Variants in UBXN7 observed in about 807,000 individuals in gnomAD.
UBXN7 encodes the protein UBX domain protein 7, also known as UBX domain-containing protein 7.
UBXN7 carries 9 observed loss-of-function variants against 58.0 expected under a neutral mutation model. The observed-to-expected ratio is 0.16, with a 90% confidence interval of 0.09 to 0.27. The LOEUF (loss-of-function observed/expected upper bound fraction) is 0.27. UBXN7 is among the 10% of genes least tolerant of loss of function. The pLI is 1.00. For synonymous variants in UBXN7, 208 were observed against 205.0 expected (o/e 1.01, Z -0.12); for missense variants, 328 against 599.6 (o/e 0.55, Z 4.73).
rs956126969 is a variant in UBXN7 at position 196,412,823 on chromosome 3, C to T, written c.74-5430G>A. Among the ~76,000 whole-genome samples the T allele has an allele frequency of 2.0e-4, 30 of 152,094 alleles. 1 individual carries two copies. Among genetic ancestry groups the T allele is most frequent in the Admixed American group, 1.2e-3 (19 of 15,260 alleles). On this transcript the variant is annotated intron_variant, in intron 1 of 10. Coordinates refer to ENST00000296328, the MANE Select transcript of UBXN7 (RefSeq NM_015562.2). ...AATAAGCCAGTCACAAAATTACAAA[C>T]GCCATATGATTCTACTTATGTGAGA...
At chr3:196,413,532 A>G (rs989227034) in intron 1 of UBXN7, among the ~76,000 whole-genome samples, 1 of 152,110 alleles carries the variant, frequency 6.6e-6, no homozygotes, top group Admixed American at 6.6e-5. Context: ...AGCTTCATAC[A>G]TTACTCAAAT....
At chr3:196,366,839 T>C (rs1411823379) in intron 8 of UBXN7, among the ~76,000 whole-genome samples, 2 of 151,976 alleles carry the variant, frequency 1.3e-5, no homozygotes, top group Non-Finnish European at 2.9e-5. Flanking sequence ...TAGCGAGCCA[T>C]GATCACACCA....
At chr3:196,423,638 T>A (rs1019359949) in intron 1 of UBXN7, 7 of 152,600 alleles carry the variant, frequency 4.6e-5, no homozygotes, top group African/African-American at 1.4e-4. Context: ...AGCAGGACAA[T>A]CCCAGTCTTG....
intron 1 of UBXN7, among the ~76,000 whole-genome samples, chr3:196,409,048 C>T (rs1730246919): frequency 6.6e-6 from 1 of 152,172 alleles, no homozygotes; most frequent in Admixed American, 6.6e-5. Flanking sequence ...CAACTCTTCA[C>T]TCTAACCCTT....
At chr3:196,356,895 G>C in intron 10 of UBXN7, 49 bp from the exon 11 acceptor site, 1 of 1,564,414 alleles carries the variant, frequency 6.4e-7, no homozygotes, top group Non-Finnish European at 8.6e-7. Context: ...AAAGAGGAAA[G>C]AGCATATTAG....
intron 1 of UBXN7, among the ~76,000 whole-genome samples, chr3:196,411,620 G>A (rs569825854): frequency 6.6e-6 from 1 of 152,284 alleles, no homozygotes; most frequent in Admixed American, 6.5e-5. Context: ...GAGTCCACCT[G>A]ACCAATATGG....
intron 5 of UBXN7, among the ~76,000 whole-genome samples, chr3:196,372,968 C>G (rs577543233): frequency 6.6e-6 from 1 of 152,194 alleles, no homozygotes; most frequent in African/African-American, 2.4e-5. Flanking sequence ...CCAGGCTGGT[C>G]TCAAACTCCT....
intron 1 of UBXN7, among the ~76,000 whole-genome samples, chr3:196,409,012 C>T (rs1730245724): frequency 6.6e-6 from 1 of 152,192 alleles, no homozygotes; most frequent in Non-Finnish European, 1.5e-5. Flanking sequence ...CTTATTTCCT[C>T]TGTAACTCCA....
chr3:196,371,308 TAA>T (rs1471850182), intron 6 of UBXN7, among the ~76,000 whole-genome samples: 2 of 152,188 alleles, frequency 1.3e-5, no homozygotes, highest in African/African-American at 4.8e-5. Context: ...CAACACCAAA[TAA>T]ATGCAGATCA....
chr3:196,377,729 C>T (rs947480163), intron 5 of UBXN7, among the ~76,000 whole-genome samples: 2 of 152,036 alleles, frequency 1.3e-5, no homozygotes, highest in African/African-American at 2.4e-5. Flanking sequence ...GGCAATGGCA[C>T]CACCACAGCT....
At chr3:196,357,387 A>G (rs1417979981) in intron 10 of UBXN7, among the ~76,000 whole-genome samples, 2 of 152,246 alleles carry the variant, frequency 1.3e-5, no homozygotes, top group Non-Finnish European at 2.9e-5. Flanking sequence ...CTCCAGCCAC[A>G]GCAAACGGCC....
chr3:196,396,695 G>A (rs1383092063), intron 3 of UBXN7, among the ~76,000 whole-genome samples: 1 of 152,036 alleles, frequency 6.6e-6, no homozygotes, highest in Non-Finnish European at 1.5e-5. Flanking sequence ...CCCAGGAGGT[G>A]GAGCTTGCAG....
rs561939261 is a variant in UBXN7, at chr3:196,361,951, A to C, written c.1229-28T>G. On this transcript the variant is annotated intron_variant, in intron 9 of 10. Coordinates refer to ENST00000296328, the MANE Select transcript of UBXN7 (RefSeq NM_015562.2). ...AAAGGAAGGGTTTAAAAAAAAAAAA[A>C]AAACGGGATACAGGAGTTTAAGACA... 1.7e-5 allele frequency: 27 copies of C among 1,593,872 alleles called. No individual in the cohort carries two copies. The East Asian group carries it at 5.6e-4, about 33-fold the overall frequency.
intron 3 of UBXN7, among the ~76,000 whole-genome samples, chr3:196,396,061 T>C (rs1454457349): frequency 1.3e-5 from 2 of 152,066 alleles, no homozygotes; most frequent in Non-Finnish European, 2.9e-5. Flanking sequence ...CTACTGAGCC[T>C]GGCCTGAATT....
At chr3:196,363,251 A>T (rs73088706) in intron 8 of UBXN7, among the ~76,000 whole-genome samples, 84 of 40,228 alleles carry the variant, frequency 2.1e-3, no homozygotes, top group Non-Finnish European at 4.3e-3. Context: ...TACATACATA[A>T]ATATATATAT....
intron 2 of UBXN7, among the ~76,000 whole-genome samples, chr3:196,405,843 C>A (rs929217399): frequency 1.3e-5 from 2 of 152,120 alleles, no homozygotes; most frequent in East Asian, 3.8e-4. Context: ...ATTAGCAATA[C>A]AAACTATCTA....
chr3:196,370,484 AAAAG>A (rs1449005059), intron 6 of UBXN7, among the ~76,000 whole-genome samples: 3 of 151,688 alleles, frequency 2.0e-5, no homozygotes, highest in African/African-American at 7.3e-5. Context: ...AAAAGAAAAG[AAAAG>A]AAAGAAAGAA....
chr3:196,419,139 C>T (rs1054844085), intron 1 of UBXN7, among the ~76,000 whole-genome samples: 12 of 151,914 alleles, frequency 7.9e-5, no homozygotes, highest in African/African-American at 2.9e-4. Flanking sequence ...TGGTGGCGGG[C>T]GTCCACCTAC....
At position 196,412,279 on chromosome 3, in the gene UBXN7, G is replaced by A. The variant is rs111986053; in HGVS notation, c.74-4886C>T. 2.0e-3 allele frequency among the ~76,000 whole-genome samples: 293 copies of A among 148,040 alleles called. 3 individuals carry two copies. Among genetic ancestry groups the A allele is most frequent in the African/African-American group, 6.4e-3 (257 of 40,388 alleles). Reference sequence around the variant, plus strand: ...AAAGAAAAAAGCATGAATATACAACGTGTGTAATAATGTTAAATCAATAAA... The same window carrying A: ...AAAGAAAAAAGCATGAATATACAACATGTGTAATAATGTTAAATCAATAAA... On this transcript the variant is annotated intron_variant, in intron 1 of 10. Coordinates refer to ENST00000296328, the MANE Select transcript of UBXN7 (RefSeq NM_015562.2).
Sources: gnomAD v4.1 joint callset for allele counts (sites outside exome capture counted in the v4.1 genomes callset) on GRCh38, gnomAD v4.1.1 for gene constraint, MANE v1.5 for transcripts, NCBI Gene and HGNC (gene_info 2026-07-23, HGNC 2026-07-21) for gene names.